INO80: variants seen among roughly 807,000 people sequenced by gnomAD.
INO80 encodes chromatin-remodeling ATPase INO80.
A neutral mutation model predicts 203.4 loss-of-function variants in INO80; 20 were observed. That is an observed-to-expected ratio of 0.10 (90% CI 0.07 to 0.14). INO80 has a LOEUF of 0.14. Among genes scored for constraint, INO80 ranks in the 10% least tolerant of loss-of-function variants. The probability of loss-of-function intolerance (pLI) is 1.00; values close to 1 mark genes in which losing one functional copy is unlikely to be tolerated. For missense variants in INO80, 1,419 were observed against 1,914.4 expected (o/e 0.74, Z 4.83); for synonymous variants, 726 against 685.2 (o/e 1.06, Z -0.93).
intron 20 of INO80, among the ~76,000 whole-genome samples, chr15:41,049,703 T>C (rs1219118425): frequency 6.6e-6 from 1 of 152,070 alleles, no homozygotes; most frequent in East Asian, 1.9e-4. Context: ...CTGACCAACA[T>C]GGGGAAGCCT....
intron 1 of INO80, among the ~76,000 whole-genome samples, chr15:41,108,306 T>C (rs961441279): frequency 5.9e-5 from 9 of 151,960 alleles, no homozygotes; most frequent in South Asian, 2.1e-4. Context: ...AAGCCACAGA[T>C]AGGCCGGGCG....
At chr15:41,031,440 G>T (rs1456545701) in intron 24 of INO80, among the ~76,000 whole-genome samples, 1 of 138,196 alleles carries the variant, frequency 7.2e-6, no homozygotes, top group African/African-American at 2.7e-5. Context: ...AAGAAAGAAG[G>T]AAAGGAGGGG....
intron 1 of INO80, among the ~76,000 whole-genome samples, chr15:41,098,929 A>T (rs532656386): frequency 6.6e-6 from 1 of 151,972 alleles, no homozygotes; most frequent in Non-Finnish European, 1.5e-5. Context: ...AAAGCACCAT[A>T]CTACTTCATA....
intron 13 of INO80, 127 bp from the exon 14 acceptor site, chr15:41,069,792 C>G (rs1449482341): frequency 1.7e-6 from 1 of 600,702 alleles, no homozygotes; most frequent in Non-Finnish European, 2.9e-6. Context: ...GAGTAAATCC[C>G]AAATCTGCAC....
chr15:41,005,346 G>T, intron 28 of INO80: 1 of 383,286 alleles, frequency 2.6e-6, no homozygotes, highest in Middle Eastern at 6.8e-4. Context: ...AAAGAAATAG[G>T]CACTGGTGTC....
intron 24 of INO80, 156 bp from the exon 25 acceptor site, chr15:41,027,892 T>C: frequency 2.0e-6 from 1 of 502,752 alleles, no homozygotes; most frequent in South Asian, 3.8e-5. Context: ...GAACCAAGTA[T>C]ATAATACAGT....
intron 25 of INO80, among the ~76,000 whole-genome samples, chr15:41,026,981 T>C (rs752923033): frequency 6.6e-6 from 1 of 152,144 alleles, no homozygotes; most frequent in Admixed American, 6.5e-5. Context: ...GAAACCACAA[T>C]AGAAACTAAG....
intron 34 of INO80, 89 bp from the exon 35 acceptor site, chr15:40,983,166 C>A: frequency 9.0e-7 from 1 of 1,107,566 alleles, no homozygotes. Flanking sequence ...ACAGGGAAAG[C>A]GAGCTCTTAG....
intron 29 of INO80, among the ~76,000 whole-genome samples, chr15:40,995,562 T>C (rs1465748486): frequency 6.6e-6 from 1 of 152,132 alleles, no homozygotes; most frequent in Non-Finnish European, 1.5e-5. Flanking sequence ...AGGAGTGGCA[T>C]GATTAATAAA....
At chr15:41,036,718 T>C (rs1385122320) in intron 24 of INO80, among the ~76,000 whole-genome samples, 2 of 152,154 alleles carry the variant, frequency 1.3e-5, no homozygotes, top group African/African-American at 4.8e-5. Flanking sequence ...AAACACTTAT[T>C]TAACCTTAAA....
At chr15:40,982,816 T>A (rs7173954) in intron 35 of INO80, 46 bp downstream of exon 35, 3 of 1,464,408 alleles carry the variant, frequency 2.0e-6, no homozygotes, top group African/African-American at 1.4e-5. Flanking sequence ...ATTTCTAGAC[T>A]GTCTCTGACC....
At chr15:40,981,885 A>AC (rs1398902316) in intron 35 of INO80, among the ~76,000 whole-genome samples, 14 of 151,928 alleles carry the variant, frequency 9.2e-5, no homozygotes, top group East Asian at 5.8e-4. Flanking sequence ...CTGCTCAGTG[A>AC]CCCCCAGTAT....
chr15:41,092,352 A>G (rs905470785), intron 4 of INO80, among the ~76,000 whole-genome samples, 170 bp from the exon 5 acceptor site: 2 of 152,238 alleles, frequency 1.3e-5, no homozygotes, highest in Admixed American at 6.5e-5. Context: ...TAAGAATACT[A>G]ATTAAACTTA....
intron 27 of INO80, 127 bp downstream of exon 27, chr15:41,015,961 G>T: frequency 5.5e-6 from 4 of 723,394 alleles, no homozygotes; most frequent in Non-Finnish European, 6.6e-6. Flanking sequence ...AAAAAAAAAG[G>T]AAAAAGAAAA....
At chr15:41,067,413 T>C (rs1227144927) in intron 14 of INO80, among the ~76,000 whole-genome samples, 1 of 151,940 alleles carries the variant, frequency 6.6e-6, no homozygotes, top group African/African-American at 2.4e-5. Context: ...GTTCAATATA[T>C]ACTGAACATC....
At chr15:40,999,387 A>G (rs1009250733) in intron 28 of INO80, 45 of 152,352 alleles carry the variant, frequency 3.0e-4, no homozygotes, top group Middle Eastern at 3.4e-3. Context: ...AATGTCAAAC[A>G]TAAGTATCGG....
At position 40,985,361 on chromosome 15, in the gene INO80, T is replaced by G; in HGVS notation, c.3898A>C (p.Lys1300Gln). 3 of 1,613,964 alleles carry G rather than the reference T, an allele frequency of 1.9e-6. No homozygotes were observed. The highest frequency in any genetic ancestry group is 2.5e-6 in the Non-Finnish European group (3 of 1,179,902). Residue 1300 changes from lysine to glutamine, a missense_variant, in exon 32 of 36, where the codon AAG becomes CAG. By Grantham distance (53) the Lys-to-Gln change is moderately conservative. Around this residue, in one of 9 missense-constraint regions of INO80, gnomAD observed 214 missense variants for 248.9 expected, o/e 0.86. Coordinates refer to ENST00000648947, the MANE Select transcript of INO80 (RefSeq NM_017553.3). ...ETNRVKERKR[K>Q]REKYAEKKKK... ...ACCTTCTCTGCATACTTTTCCCGCTTCCGCTTGCGCTCTTTCACTCGGTTG... is the reference window on the plus strand; with the variant it reads ...ACCTTCTCTGCATACTTTTCCCGCTGCCGCTTGCGCTCTTTCACTCGGTTG...
At chr15:41,031,664 T>C (rs2044475351) in intron 24 of INO80, among the ~76,000 whole-genome samples, 1 of 107,092 alleles carries the variant, frequency 9.3e-6, no homozygotes, top group African/African-American at 3.9e-5. Flanking sequence ...GAGAATGCCA[T>C]ACTATGGGGA....
intron 24 of INO80, among the ~76,000 whole-genome samples, chr15:41,035,075 T>G (rs1361990927): frequency 2.0e-5 from 3 of 152,218 alleles, no homozygotes; most frequent in Non-Finnish European, 4.4e-5. Flanking sequence ...TAACATTTGC[T>G]GTGAAGAAAC....
Sources: gnomAD v4.1 joint callset for allele counts (sites outside exome capture counted in the v4.1 genomes callset) on GRCh38, gnomAD v4.1.1 for gene constraint, gnomAD v4.1.1 regional missense constraint, MANE v1.5 for transcripts, NCBI Gene and HGNC (gene_info 2026-07-23, HGNC 2026-07-21) for gene names.